MYRIP: variants seen among roughly 807,000 people sequenced by gnomAD.
MYRIP encodes the protein myosin VIIA and Rab interacting protein.
Under a neutral mutation model 98.0 loss-of-function variants are expected in MYRIP, and 49 were observed. That is an observed-to-expected ratio of 0.50 (90% CI 0.40 to 0.63). The LOEUF (loss-of-function observed/expected upper bound fraction) is 0.63. MYRIP is among the 30% of genes least tolerant of loss of function. The probability of loss-of-function intolerance (pLI) is 0.00; values close to 1 mark genes in which losing one functional copy is unlikely to be tolerated. For missense variants in MYRIP, 1,004 were observed against 1,058.2 expected (o/e 0.95, Z 0.71); for synonymous variants, 404 against 409.5 (o/e 0.99, Z 0.16).
chr3:40,242,495 G>GAAAAAAAAAAAA (rs11298097), intron 12 of MYRIP: 1 of 126,326 alleles, frequency 7.9e-6, no homozygotes. Flanking sequence ...GTCTTGGCAG[G>GAAAAAAAAAAAA]AAAAAAAAAA....
intron 2 of MYRIP, among the ~76,000 whole-genome samples, chr3:39,985,943 C>A (rs1946020999): frequency 1.3e-5 from 2 of 151,838 alleles, no homozygotes; most frequent in South Asian, 4.2e-4. Context: ...GCAACAAAAG[C>A]CAAAATTGAC....
chr3:39,990,969 A>G (rs6785754), intron 2 of MYRIP, among the ~76,000 whole-genome samples: 73,778 of 151,880 alleles, frequency 0.49, 19,091 homozygotes, highest in African/African-American at 0.69. Context: ...TGGACACAGG[A>G]AGGGGAACAT....
At position 40,200,586 on chromosome 3, in the gene MYRIP, A is replaced by T. The variant is rs149758851; in HGVS notation, c.1666-9268A>T. 1.6e-3 allele frequency among the ~76,000 whole-genome samples: 245 copies of T among 152,318 alleles called. 1 individual carries two copies. Among genetic ancestry groups the T allele is most frequent in the African/African-American group, 5.8e-3 (239 of 41,562 alleles). On this transcript the variant is annotated intron_variant, in intron 10 of 16. Coordinates refer to ENST00000302541, the MANE Select transcript of MYRIP (RefSeq NM_015460.4). ...TTATTTGGGGCCTTCTTTTAGGTAG[A>T]TATTAAATAGCAGGGCTAACTATCA...
chr3:39,877,501 G>C (rs1943032576), intron 1 of MYRIP, among the ~76,000 whole-genome samples: 1 of 152,120 alleles, frequency 6.6e-6, no homozygotes, highest in Non-Finnish European at 1.5e-5. Context: ...TGATGATGGT[G>C]ATGTGCAGAT....
At chr3:39,831,107 C>A (rs1941431845) in intron 1 of MYRIP, among the ~76,000 whole-genome samples, 1 of 152,134 alleles carries the variant, frequency 6.6e-6, no homozygotes, top group African/African-American at 2.4e-5. Flanking sequence ...TCTTGCTTTA[C>A]CTTTACCTTC....
intron 3 of MYRIP, among the ~76,000 whole-genome samples, chr3:40,113,789 A>G (rs1233836095): frequency 6.6e-6 from 1 of 152,086 alleles, no homozygotes; most frequent in East Asian, 1.9e-4. Flanking sequence ...TCCCGGGTTC[A>G]CGCTATTCTC....
chr3:39,963,828 G>C (rs1559539589), intron 2 of MYRIP, among the ~76,000 whole-genome samples: 1 of 152,080 alleles, frequency 6.6e-6, no homozygotes, highest in Non-Finnish European at 1.5e-5. Flanking sequence ...TATTTTACTA[G>C]TATAGTGACA....
intron 2 of MYRIP, among the ~76,000 whole-genome samples, chr3:40,037,570 C>G (rs1288047002): frequency 6.6e-6 from 1 of 151,968 alleles, no homozygotes; most frequent in Non-Finnish European, 1.5e-5. Context: ...ATACATATCC[C>G]CCTATAAACT....
At chr3:40,008,800 A>G (rs1946690643) in intron 2 of MYRIP, among the ~76,000 whole-genome samples, 1 of 152,214 alleles carries the variant, frequency 6.6e-6, no homozygotes, top group Non-Finnish European at 1.5e-5. Context: ...ACACGAAGTC[A>G]AAAGAATTTC....
chr3:39,996,097 A>T (rs374753485), intron 2 of MYRIP, among the ~76,000 whole-genome samples: 1 of 152,364 alleles, frequency 6.6e-6, no homozygotes, highest in East Asian at 1.9e-4. Flanking sequence ...TGTAAAGACC[A>T]TCGAGGCTAG....
At chr3:40,061,857 T>C (rs1044004053) in intron 3 of MYRIP, among the ~76,000 whole-genome samples, 7 of 152,202 alleles carry the variant, frequency 4.6e-5, no homozygotes, top group Admixed American at 2.0e-4. Flanking sequence ...ATCAGTGATA[T>C]TGGATTTTTT....
At chr3:40,248,147 A>G (rs1953262475) in intron 13 of MYRIP, 1 of 152,260 alleles carries the variant, frequency 6.6e-6, no homozygotes, top group South Asian at 2.1e-4. Context: ...TGTTCTTGGT[A>G]ATATTAGGAC....
At chr3:39,933,674 G>A (rs1944592012) in intron 2 of MYRIP, among the ~76,000 whole-genome samples, 1 of 152,034 alleles carries the variant, frequency 6.6e-6, no homozygotes, top group South Asian at 2.1e-4. Context: ...CAAGGTTTCA[G>A]GCAATAAAAT....
chr3:39,874,315 A>G (rs995688670), intron 1 of MYRIP, among the ~76,000 whole-genome samples: 13 of 151,856 alleles, frequency 8.6e-5, no homozygotes, highest in Non-Finnish European at 1.5e-5. Flanking sequence ...CTCTTTTCCT[A>G]ATTGAATACC....
At chr3:40,025,268 T>G (rs1168038123) in intron 2 of MYRIP, among the ~76,000 whole-genome samples, 7 of 152,194 alleles carry the variant, frequency 4.6e-5, no homozygotes, top group African/African-American at 1.7e-4. Context: ...AGCGTATTGT[T>G]GTGTGTCATT....
At chr3:40,213,296 G>A (rs748837142) in intron 11 of MYRIP, among the ~76,000 whole-genome samples, 8 of 152,246 alleles carry the variant, frequency 5.3e-5, no homozygotes, top group Non-Finnish European at 1.2e-4. Context: ...TTATAGGGTT[G>A]TGAGGAATGA....
intron 1 of MYRIP, among the ~76,000 whole-genome samples, chr3:39,839,438 A>G (rs947808554): frequency 2.0e-5 from 3 of 151,916 alleles, no homozygotes; most frequent in Non-Finnish European, 4.4e-5. Context: ...TTGTACTTTT[A>G]GTAGAGATGG....
intron 3 of MYRIP, among the ~76,000 whole-genome samples, chr3:40,110,660 AC>A (rs1306610098): frequency 1.3e-5 from 2 of 151,842 alleles, no homozygotes; most frequent in Non-Finnish European, 2.9e-5. Flanking sequence ...GTGTCCTCTG[AC>A]CCCTTTCAAC....
At chr3:39,987,562 A>G (rs920344419) in intron 2 of MYRIP, among the ~76,000 whole-genome samples, 1 of 152,194 alleles carries the variant, frequency 6.6e-6, no homozygotes, top group Non-Finnish European at 1.5e-5. Flanking sequence ...CTGGTTCTAG[A>G]TCCTTGAGGA....
Sources: gnomAD v4.1 joint callset for allele counts (sites outside exome capture counted in the v4.1 genomes callset) on GRCh38, gnomAD v4.1.1 for gene constraint, MANE v1.5 for transcripts, NCBI Gene and HGNC (gene_info 2026-07-23, HGNC 2026-07-21) for gene names.